Variants in USP45 observed in about 807,000 individuals in gnomAD.
USP45 encodes the protein ubiquitin carboxyl-terminal hydrolase 45.
A neutral mutation model predicts 95.8 loss-of-function variants in USP45; 89 were observed. The observed-to-expected ratio is 0.93, with a 90% CI of 0.78 to 1.11. The LOEUF (loss-of-function observed/expected upper bound fraction) is 1.11, where lower values mean the gene tolerates loss of function less well. USP45 is among the 50% of genes least tolerant of loss of function. The probability of loss-of-function intolerance (pLI) is 0.00; values close to 1 mark genes in which losing one functional copy is unlikely to be tolerated. For synonymous variants in USP45, 281 were observed against 316.2 expected, an observed-to-expected ratio of 0.89 and a Z score of 1.18; for missense variants, 898 against 942.5, an observed-to-expected ratio of 0.95 and a Z score of 0.62.
intron 5 of USP45, among the ~76,000 whole-genome samples, chr6:99,489,741 G>C (rs1395040298): frequency 2.6e-5 from 4 of 152,122 alleles, no homozygotes; most frequent in Non-Finnish European, 5.9e-5. Flanking sequence ...GAGGTCAGGA[G>C]TTCAAGACCA....
chr6:99,451,299 C>T (rs539564208), intron 13 of USP45, among the ~76,000 whole-genome samples: 66 of 152,278 alleles, frequency 4.3e-4, no homozygotes, highest in African/African-American at 1.3e-3. Context: ...CATCTCAACC[C>T]AAAATCTCCT....
chr6:99,437,136 A>G, intron 17 of USP45, 110 bp downstream of exon 17: 1 of 1,145,088 alleles, frequency 8.7e-7, no homozygotes, highest in Non-Finnish European at 1.2e-6. Flanking sequence ...AAAATAAAGC[A>G]AGCAAGCAAA....
At chr6:99,441,268 A>C (rs1293715347) in intron 15 of USP45, among the ~76,000 whole-genome samples, 10 of 152,186 alleles carry the variant, frequency 6.6e-5, no homozygotes, top group Admixed American at 6.5e-4. Context: ...ACGGTGGCTC[A>C]TGCCTGTAAT....
chr6:99,514,462 T>C (rs1456980681), intron 1 of USP45, among the ~76,000 whole-genome samples: 1 of 152,238 alleles, frequency 6.6e-6, no homozygotes, highest in Non-Finnish European at 1.5e-5. Context: ...TTTCTAAGGA[T>C]AGCAGTCTTA....
intron 8 of USP45, 121 bp from the exon 9 acceptor site, chr6:99,476,351 G>T: frequency 1.1e-6 from 1 of 940,640 alleles, no homozygotes; most frequent in Non-Finnish European, 1.6e-6. Flanking sequence ...GCCTACGCCT[G>T]TAATCCCAGC....
intron 10 of USP45, 43 bp downstream of exon 10, chr6:99,468,494 A>G (rs766722423): frequency 3.1e-6 from 4 of 1,269,886 alleles, no homozygotes; most frequent in Admixed American, 2.1e-5. Flanking sequence ...TAAAATTTTA[A>G]TATTTTCTTA....
intron 5 of USP45, among the ~76,000 whole-genome samples, chr6:99,497,486 C>T (rs1356781270): frequency 6.6e-6 from 1 of 152,168 alleles, no homozygotes; most frequent in Non-Finnish European, 1.5e-5. Context: ...CCCCACAATT[C>T]CCCTAGCTTG....
intron 8 of USP45, among the ~76,000 whole-genome samples, chr6:99,479,780 A>G (rs1472670791): frequency 1.3e-5 from 2 of 152,244 alleles, no homozygotes; most frequent in Admixed American, 1.3e-4. Flanking sequence ...GAAAGACTGC[A>G]TGCTCTCCCT....
At position 99,465,090 on chromosome 6, in the gene USP45, A is replaced by G. The variant is rs746607162; in HGVS notation, c.1154T>C (p.Ile385Thr). ...TTTTCTTCTCCTTACCCTTTCTTCT[A>G]TTATAGGAAGTGAAATATCAATGAA... ...DPFIDISLPIIEERVSKPLLW... is the reference protein window; with the variant it reads ...DPFIDISLPITEERVSKPLLW... Residue 385 changes from isoleucine to threonine, a missense_variant, in exon 12 of 18, where the codon ATA becomes ACA. Physicochemically the swap from Ile to Thr is moderately conservative, Grantham distance 89 (BLOSUM62 -1). Coordinates refer to ENST00000500704, the MANE Select transcript of USP45 (RefSeq NM_001346022.3). 4.4e-6 allele frequency: 7 copies of G among 1,599,108 alleles called. No homozygotes were observed. The highest frequency in any genetic ancestry group is 3.4e-5 in the South Asian group (3 of 88,296).
chr6:99,441,489 G>A (rs774127050), intron 15 of USP45, among the ~76,000 whole-genome samples: 144 of 151,352 alleles, frequency 9.5e-4, no homozygotes, highest in Admixed American at 1.4e-3. Context: ...CCGAGATCGC[G>A]CCATTGCACT....
intron 13 of USP45, chr6:99,461,790 T>C (rs1253515915): frequency 1.0e-6 from 1 of 982,774 alleles, no homozygotes; most frequent in Non-Finnish European, 1.2e-6. Flanking sequence ...TCTATTACTG[T>C]AAGAGATTAA....
At chr6:99,452,728 G>A (rs1025057899) in intron 13 of USP45, among the ~76,000 whole-genome samples, 6 of 152,108 alleles carry the variant, frequency 3.9e-5, no homozygotes, top group Non-Finnish European at 7.4e-5. Flanking sequence ...ACATGCACAC[G>A]TATGTTTATT....
Position 99,433,747 on chromosome 6 carries a change from G to A in USP45, c.*1969C>T, listed in dbSNP as rs887306124. 12 of 152,144 alleles carry A rather than the reference G, an allele frequency of 7.9e-5. No homozygotes were observed. Among genetic ancestry groups the A allele is most frequent in the African/African-American group, 2.9e-4 (12 of 41,434 alleles). The allele number at this position is 152,144 out of a possible 1,614,324, so 9.4% of individuals were successfully genotyped here. ...TTCCATTTTAAATGATGTTAAAATA[G>A]TGTCAGCACTGTGACTGACTCATAG... is the stretch of plus-strand genomic sequence containing the variant. On this transcript the variant is annotated 3_prime_UTR_variant, in exon 18 of 18. Coordinates refer to ENST00000500704, the MANE Select transcript of USP45 (RefSeq NM_001346022.3).
rs1037416962 is a variant in USP45 at position 99,434,785 on chromosome 6, A to G, written c.*931T>C. The stretch of plus-strand genomic sequence containing the variant: ...ATTTACAAATATAATTTGGTAATTT[A>G]TATTTCAAAGCTATCCTATGGTCCT... On this transcript the variant is annotated 3_prime_UTR_variant, in exon 18 of 18. Transcript: ENST00000500704. 6.6e-6 allele frequency: 1 copy of G among 152,222 alleles called. No homozygotes were observed. Among genetic ancestry groups the G allele is most frequent in the African/African-American group, 2.4e-5 (1 of 41,478 alleles). The allele number at this position is 152,222 out of a possible 1,614,324, so 9.4% of individuals were successfully genotyped here.
rs755803890 is a variant in USP45, at chr6:99,466,725, G to A, written c.1054C>T (p.Arg352Trp). 1.3e-5 allele frequency: 21 copies of A among 1,613,188 alleles called. No individual in the cohort carries two copies. The highest frequency in any genetic ancestry group is 5.0e-5 in the Admixed American group (3 of 59,938). The change falls in exon 11 of 18, where the codon CGG (arginine) becomes TGG (tryptophan). Residue 352 changes from arginine to tryptophan, a missense_variant. Transcript: ENST00000500704. ...KEGVKMNFID[R>W]IFIGELTSTV... is the part of the protein sequence containing the mutation. ...CTAGTTAATTCACCAATAAAGATCC[G>A]ATCTATGAAGTTCATTTTCACACCT...
At chr6:99,513,821 G>A (rs1048281780) in intron 1 of USP45, among the ~76,000 whole-genome samples, 3 of 152,154 alleles carry the variant, frequency 2.0e-5, no homozygotes, top group Admixed American at 6.5e-5. Flanking sequence ...TCCATTTGAG[G>A]CAAAAGGGCA....
intron 8 of USP45, among the ~76,000 whole-genome samples, chr6:99,480,139 G>C (rs1024346357): frequency 6.6e-6 from 1 of 152,060 alleles, no homozygotes; most frequent in Non-Finnish European, 1.5e-5. Context: ...TCTTTAAAAA[G>C]AGTACCATTT....
rs533660133 is a variant in USP45 at position 99,455,536 on chromosome 6, CAAAGA to C, written c.1308+9063_1308+9067del. ...GCAATCCCACTACTAGACATTTATCCAAAGAAAAGAAAACCAGTGTATCAAAAGGA... is the reference window on the plus strand; with the variant it reads ...GCAATCCCACTACTAGACATTTATCCAAAGAAAACCAGTGTATCAAAAGGA... On this transcript the variant is annotated intron_variant, in intron 13 of 17. Transcript: ENST00000500704. Among the ~76,000 whole-genome samples, 14 of 152,046 alleles carry C rather than the reference CAAAGA, an allele frequency of 9.2e-5. No individual in the cohort carries two copies. In the South Asian group the frequency reaches 2.7e-3, roughly 29 times the overall value.
chr6:99,462,129 G>A, intron 13 of USP45: 1 of 983,328 alleles, frequency 1.0e-6, no homozygotes, highest in Non-Finnish European at 1.2e-6. Flanking sequence ...CCAAAAAAAA[G>A]GTAACTCTAT....
Sources: allele counts gnomAD v4.1 joint callset (sites outside exome capture counted in the v4.1 genomes callset), GRCh38; gene constraint gnomAD v4.1.1; transcripts MANE v1.5; gene names NCBI Gene and HGNC (gene_info 2026-07-23, HGNC 2026-07-21).